MYO5B: variants seen among roughly 807,000 people sequenced by gnomAD.
The protein encoded by MYO5B is myosin VB.
In MYO5B, 143 loss-of-function variants were observed where a neutral mutation model predicts 229.3. The ratio of observed to expected loss-of-function variants is 0.62; its 90% confidence interval spans 0.54 to 0.72. The LOEUF (loss-of-function observed/expected upper bound fraction) is 0.72. MYO5B is among the 30% of genes least tolerant of loss of function. The probability of loss-of-function intolerance (pLI) is 0.00; values close to 1 mark genes in which losing one functional copy is unlikely to be tolerated. For missense variants in MYO5B, 2,321 were observed against 2,331.0 expected, an observed-to-expected ratio of 1.00 and a Z score of 0.09; for synonymous variants, 918 against 885.2, an observed-to-expected ratio of 1.04 and a Z score of -0.66.
At chr18:49,897,416 T>G (rs1433522076) in intron 21 of MYO5B, among the ~76,000 whole-genome samples, 1 of 152,192 alleles carries the variant, frequency 6.6e-6, no homozygotes. Context: ...TGTCTTAGTT[T>G]TTAACAAAAA....
At chr18:49,997,583 T>C (rs1452302690) in intron 5 of MYO5B, among the ~76,000 whole-genome samples, 1 of 152,056 alleles carries the variant, frequency 6.6e-6, no homozygotes, top group Admixed American at 6.6e-5. Flanking sequence ...TAACAGTCTC[T>C]TGATTATCAA....
chr18:50,069,879 G>C (rs1419545940), intron 1 of MYO5B, among the ~76,000 whole-genome samples: 2 of 151,976 alleles, frequency 1.3e-5, no homozygotes, highest in Admixed American at 1.3e-4. Context: ...AGACCTGTTT[G>C]TTCATCCCTA....
At position 49,924,183 on chromosome 18, in the gene MYO5B, C is replaced by A. The variant is rs1018920490; in HGVS notation, c.2090+5329G>T. Reference sequence around the variant, plus strand: ...CACATGTTGGGATTTCACAAAAATACCACCAGAAAGTTCTGAGATAGACAC... The same window carrying A: ...CACATGTTGGGATTTCACAAAAATAACACCAGAAAGTTCTGAGATAGACAC... On this transcript the variant is annotated intron_variant, in intron 17 of 39. Coordinates refer to ENST00000285039, the MANE Select transcript of MYO5B (RefSeq NM_001080467.3). 3.9e-5 allele frequency among the ~76,000 whole-genome samples: 6 copies of A among 152,258 alleles called. No individual in the cohort carries two copies. The South Asian group carries it at 6.2e-4, about 16-fold the overall frequency.
chr18:50,101,409 A>G (rs532918838), intron 1 of MYO5B, among the ~76,000 whole-genome samples: 45 of 152,320 alleles, frequency 3.0e-4, no homozygotes, highest in Admixed American at 1.8e-3. Context: ...TGTAAGTCCT[A>G]GGCATATTGA....
intron 4 of MYO5B, among the ~76,000 whole-genome samples, chr18:50,001,696 G>C (rs1000041210): frequency 2.0e-5 from 3 of 152,174 alleles, no homozygotes; most frequent in Non-Finnish European, 4.4e-5. Flanking sequence ...ACTGGGTGCA[G>C]TGCCCCTAGA....
intron 1 of MYO5B, among the ~76,000 whole-genome samples, chr18:50,077,938 T>C (rs11877042): frequency 0.11 from 16,211 of 152,236 alleles, 1,689 homozygotes; most frequent in African/African-American, 0.27. Context: ...ACACAAGAAC[T>C]GCACATCCTA....
intron 1 of MYO5B, among the ~76,000 whole-genome samples, chr18:50,121,605 C>G (rs1290278370): frequency 6.6e-6 from 1 of 152,212 alleles, no homozygotes; most frequent in East Asian, 1.9e-4. Flanking sequence ...CAATGGAAGG[C>G]ATTCTTCAGA....
intron 1 of MYO5B, among the ~76,000 whole-genome samples, chr18:50,163,147 C>T (rs1288077491): frequency 6.6e-6 from 1 of 152,230 alleles, no homozygotes; most frequent in Non-Finnish European, 1.5e-5. Flanking sequence ...TTCATGACCT[C>T]ATGTAGACAG....
chr18:50,018,903 A>G (rs191532909), intron 4 of MYO5B, among the ~76,000 whole-genome samples: 1 of 152,358 alleles, frequency 6.6e-6, no homozygotes, highest in Admixed American at 6.5e-5. Context: ...AAGTAGCTAG[A>G]GATAATATCC....
intron 2 of MYO5B, among the ~76,000 whole-genome samples, chr18:50,042,763 T>C (rs1452749651): frequency 6.6e-6 from 1 of 152,182 alleles, no homozygotes; most frequent in African/African-American, 2.4e-5. Context: ...AGAGCACAGC[T>C]GCCCTCCTCT....
chr18:50,095,495 G>A (rs966953057), intron 1 of MYO5B, among the ~76,000 whole-genome samples: 4 of 152,180 alleles, frequency 2.6e-5, no homozygotes, highest in Admixed American at 2.6e-4. Context: ...GCAGGCACAT[G>A]TGCTGGGGTT....
At chr18:49,986,142 C>A (rs187191764) in intron 7 of MYO5B, among the ~76,000 whole-genome samples, 38 of 152,316 alleles carry the variant, frequency 2.5e-4, no homozygotes, top group Non-Finnish European at 1.5e-5. Flanking sequence ...CACATACCCT[C>A]CAGACTCATG....
chr18:50,046,809 G>C (rs1019669737), intron 2 of MYO5B, among the ~76,000 whole-genome samples: 2 of 152,080 alleles, frequency 1.3e-5, no homozygotes, highest in Non-Finnish European at 2.9e-5. Context: ...TCTAATCTTT[G>C]ACAAACCTGA....
chr18:49,910,623 T>C (rs2144158430), intron 18 of MYO5B, among the ~76,000 whole-genome samples: 1 of 152,208 alleles, frequency 6.6e-6, no homozygotes, highest in African/African-American at 2.4e-5. Flanking sequence ...GCTCTCTTTT[T>C]AAAAAGGCAA....
Position 49,904,812 on chromosome 18 carries a change from G to T in MYO5B, c.2431C>A (p.Arg811=). 6.2e-7 allele frequency: 1 copy of T among 1,613,832 alleles called. No homozygotes were observed. The highest frequency in any genetic ancestry group is 8.5e-7 in the Non-Finnish European group (1 of 1,180,022). ...AGCACCACAGCCGCTCTGATCCTCC[G>T]CAGGTGCTCAGCCAGCCTGGGGAGC... The part of the protein sequence containing the change: ...HLARRLAEHL[R]RIRAAVVLQK... Residue 811 remains arginine, a synonymous_variant, in exon 20 of 40, where the codon CGG becomes AGG. Transcript: ENST00000285039.
chr18:49,874,600 T>C (rs538410154), intron 26 of MYO5B, among the ~76,000 whole-genome samples: 1 of 152,320 alleles, frequency 6.6e-6, no homozygotes, highest in East Asian at 1.9e-4. Context: ...AGAATCTGTA[T>C]CACAATTGAT....
intron 1 of MYO5B, among the ~76,000 whole-genome samples, chr18:50,096,521 G>A (rs1401612270): frequency 6.6e-6 from 1 of 151,934 alleles, no homozygotes; most frequent in Non-Finnish European, 1.5e-5. Flanking sequence ...TGTTCAAGAA[G>A]GATCACTGTG....
chr18:50,092,097 A>C (rs1366590977), intron 1 of MYO5B, among the ~76,000 whole-genome samples: 1 of 152,206 alleles, frequency 6.6e-6, no homozygotes, highest in African/African-American at 2.4e-5. Context: ...TCAGCTTCAA[A>C]GACAGAGACC....
At chr18:49,999,906 A>T (rs2026027571) in intron 5 of MYO5B, among the ~76,000 whole-genome samples, 1 of 152,242 alleles carries the variant, frequency 6.6e-6, no homozygotes, top group Non-Finnish European at 1.5e-5. Context: ...AATGGAATAA[A>T]AGTTTTTCTT....
Sources: gnomAD v4.1 joint callset for allele counts (sites outside exome capture counted in the v4.1 genomes callset) on GRCh38, gnomAD v4.1.1 for gene constraint, MANE v1.5 for transcripts, NCBI Gene and HGNC (gene_info 2026-07-23, HGNC 2026-07-21) for gene names.